Variants in ADH1A observed in about 807,000 individuals in gnomAD.
ADH1A encodes the protein alcohol dehydrogenase 1A.
A neutral mutation model predicts 35.2 loss-of-function variants in ADH1A; 29 were observed. The ratio of observed to expected loss-of-function variants is 0.82; its 90% CI spans 0.61 to 1.12. ADH1A has a LOEUF of 1.12. Ranked by LOEUF, ADH1A falls within the 50% of genes most tolerant of loss-of-function variation. The pLI is 0.00. For missense variants in ADH1A, 469 were observed against 464.7 expected, an observed-to-expected ratio of 1.01 and a Z score of -0.09; for synonymous variants, 147 against 164.8, an observed-to-expected ratio of 0.89 and a Z score of 0.83.
In ADH1A at chr4:99,287,547, G is replaced by A; in HGVS notation, c.120+17C>T. 6.3e-7 allele frequency: 1 copy of A among 1,594,268 alleles called. No individual in the cohort carries two copies. Among genetic ancestry groups the A allele is most frequent in the African/African-American group, 1.3e-5 (1 of 74,154 alleles). ...GAGTTTTTAAAACTTAAATACAAAT[G>A]GAAAAATGTATTTCACCTTAATACG... On this transcript the variant is annotated intron_variant, in intron 2 of 8. Transcript: ENST00000209668.
At chr4:99,280,008 T>C (rs1361685594) in intron 7 of ADH1A, 136 bp downstream of exon 7, 3 of 1,282,264 alleles carry the variant, frequency 2.3e-6, no homozygotes, top group Non-Finnish European at 3.4e-6. Context: ...CCATATCTAG[T>C]TGATTTGGAG....
chr4:99,284,478 G>A lies in ADH1A; in HGVS notation c.488C>T (p.Ala163Val), dbSNP rs1478308210. The A allele has an allele frequency of 1.2e-6, 2 of 1,614,220 alleles. No homozygotes were observed. Among genetic ancestry groups the A allele is most frequent in the East Asian group, 2.2e-5 (1 of 44,886 alleles). ...ACAGACTTTCTCTAGAGGCGAGGCTGCATCAATTTTGGCTACTGCATTTTC... is the reference window on the plus strand; with the variant it reads ...ACAGACTTTCTCTAGAGGCGAGGCTACATCAATTTTGGCTACTGCATTTTC... The part of the protein sequence containing the change: ...VDENAVAKID[A>V]ASPLEKVCLI... The change falls in exon 5 of 9, where the codon GCA (alanine) becomes GTA (valine). Residue 163 changes from alanine to valine, a missense_variant. Ala to Val is a moderately conservative substitution (Grantham distance 64). Coordinates refer to ENST00000209668, the MANE Select transcript of ADH1A (RefSeq NM_000667.4).
Position 99,286,933 on chromosome 4 carries a change from A to G in ADH1A, c.176T>C (p.Val59Ala), listed in dbSNP as rs1733166512. Residue 59 changes from valine (V) to alanine (A), a missense_variant, in exon 3 of 9, where the codon GTG becomes GCG. Physicochemically the swap from Val to Ala is moderately conservative, Grantham distance 64. Coordinates refer to ENST00000209668, the MANE Select transcript of ADH1A (RefSeq NM_000667.4). ...TDDHVVSGTM[V>A]TPLPVILGHE... Reference sequence around the variant, plus strand: ...GCCTAAAATCACAGGAAGTGGGGTCACCATGGTACCACTAACCACGTGGTC... The same window carrying G: ...GCCTAAAATCACAGGAAGTGGGGTCGCCATGGTACCACTAACCACGTGGTC... The G allele has an allele frequency of 6.2e-7, 1 of 1,614,092 alleles. No homozygotes were observed. The highest frequency in any genetic ancestry group is 1.7e-5 in the Admixed American group (1 of 60,000).
At chr4:99,287,698 T>A (rs1030543960) in intron 1 of ADH1A, 33 bp from the exon 2 acceptor site, 1 of 1,609,340 alleles carries the variant, frequency 6.2e-7, no homozygotes, top group Admixed American at 1.7e-5. Context: ...GGCACCAGTG[T>A]TCTCCCACGC....
intron 8 of ADH1A, 89 bp from the exon 9 acceptor site, chr4:99,276,737 ATCTG>A (rs1203556938): frequency 7.8e-7 from 1 of 1,281,186 alleles, no homozygotes; most frequent in Non-Finnish European, 1.1e-6. Flanking sequence ...CTTAGTGAAA[ATCTG>A]TCTGTTCTCA....
Position 99,282,597 on chromosome 4 carries a change from C to T in ADH1A, c.577G>A (p.Gly193Ser). Residue 193 changes from glycine to serine, a missense_variant, in exon 6 of 9, where the codon GGC becomes AGC. By Grantham distance (56) the Gly-to-Ser change is moderately conservative (BLOSUM62 0). Coordinates refer to ENST00000209668, the MANE Select transcript of ADH1A (RefSeq NM_000667.4). ...AGGCCAAACACAGCACAGGTAGAGC[C>T]TGGGGTGACCTGTGTTTTCAGAAAA... ...SAVNVAKVTP[G>S]STCAVFGLGG... 6.2e-7 allele frequency: 1 copy of T among 1,610,888 alleles called. No homozygotes were observed. The highest frequency in any genetic ancestry group is 1.3e-5 in the African/African-American group (1 of 74,804).
chr4:99,279,579 G>A lies in ADH1A; in HGVS notation c.965-15C>T. The A allele has an allele frequency of 1.9e-6, 3 of 1,603,894 alleles. No homozygotes were observed. The highest frequency in any genetic ancestry group is 2.5e-6 in the Non-Finnish European group (3 of 1,176,826). ...ACTTTTAAAGCCTGAAAAGAAGATG[G>A]TATCATTGTTAGATTCAACCAGGGT... On this transcript the variant is annotated splice_polypyrimidine_tract_variant and intron_variant, in intron 7 of 8. Coordinates refer to ENST00000209668, the MANE Select transcript of ADH1A (RefSeq NM_000667.4).
chr4:99,277,929 A>G (rs988837268), intron 8 of ADH1A, among the ~76,000 whole-genome samples: 4 of 152,030 alleles, frequency 2.6e-5, no homozygotes, highest in African/African-American at 9.7e-5. Flanking sequence ...GGAACAAAAG[A>G]TCCATTTTTT....
intron 8 of ADH1A, chr4:99,278,408 G>A (rs953857582): frequency 1.3e-5 from 2 of 152,046 alleles, no homozygotes; most frequent in Non-Finnish European, 2.9e-5. Flanking sequence ...TGATGATTTT[G>A]ACCAAGTCAT....
chr4:99,277,619 G>T (rs1209139447), intron 8 of ADH1A, among the ~76,000 whole-genome samples: 1 of 151,836 alleles, frequency 6.6e-6, no homozygotes, highest in Non-Finnish European at 1.5e-5. Flanking sequence ...TTCTTACTAG[G>T]CATATGTACA....
chr4:99,286,742 G>A lies in ADH1A; in HGVS notation c.259+108C>T, dbSNP rs923274633. ...GAAATCCCTGAAGTCCTGGCTGCGC[G>A]GTGACCTTGGTCAAGCCCTTTCGTC... On this transcript the variant is annotated intron_variant, in intron 3 of 8. Transcript: ENST00000209668. The A allele has an allele frequency of 9.8e-6, 15 of 1,530,872 alleles. No individual in the cohort carries two copies. The Admixed American group carries it at 1.2e-4, about 12-fold the overall frequency. 94.8% of individuals were successfully genotyped at this position (1,530,872 alleles called of 1,614,324 possible). A position where few individuals can be genotyped will look rare whatever the true frequency, so the allele number is the denominator to read the frequency against.
At chr4:99,287,973 T>C (rs1292772078) in intron 1 of ADH1A, among the ~76,000 whole-genome samples, 3 of 152,238 alleles carry the variant, frequency 2.0e-5, no homozygotes, top group Admixed American at 1.3e-4. Context: ...CCTAATGCTA[T>C]GCTGAAAATG....
At chr4:99,283,713 A>G (rs1371144840) in intron 5 of ADH1A, among the ~76,000 whole-genome samples, 2 of 152,222 alleles carry the variant, frequency 1.3e-5, no homozygotes, top group Non-Finnish European at 2.9e-5. Flanking sequence ...CCTCGGTTTC[A>G]TAAAATAAAG....
intron 3 of ADH1A, 179 bp downstream of exon 3, chr4:99,286,671 C>T: frequency 2.0e-6 from 2 of 1,017,536 alleles, no homozygotes; most frequent in Non-Finnish European, 1.4e-6. Flanking sequence ...TACATGCGTG[C>T]CTAAAGACAT....
At chr4:99,289,733 A>G (rs1045983489) in intron 1 of ADH1A, among the ~76,000 whole-genome samples, 2 of 152,140 alleles carry the variant, frequency 1.3e-5, no homozygotes, top group African/African-American at 4.8e-5. Context: ...GCAATTGTCT[A>G]TTTCATCAGT....
intron 8 of ADH1A, 86 bp downstream of exon 8, chr4:99,279,340 C>G: frequency 6.7e-7 from 1 of 1,481,744 alleles, no homozygotes; most frequent in South Asian, 1.5e-5. Context: ...TCTAATTTTT[C>G]TCATCCTTCC....
In ADH1A at chr4:99,287,495, T is replaced by C. The variant is rs564516134; in HGVS notation, c.120+69A>G. On this transcript the variant is annotated intron_variant, in intron 2 of 8. Coordinates refer to ENST00000209668, the MANE Select transcript of ADH1A (RefSeq NM_000667.4). Reference sequence around the variant, plus strand: ...TTTTCTGGATGATCATATAAAAATTTGGTTGTTTCCGTTTTTTAACTTTTC... The same window carrying C: ...TTTTCTGGATGATCATATAAAAATTCGGTTGTTTCCGTTTTTTAACTTTTC... 1,615 of 1,440,268 alleles carry C rather than the reference T, an allele frequency of 1.1e-3. 7 individuals carry two copies. Among genetic ancestry groups the C allele is most frequent in the Non-Finnish European group, 1.1e-3 (1,166 of 1,044,592 alleles). 89.2% of individuals were successfully genotyped at this position (1,440,268 alleles called of 1,614,324 possible). A position where few individuals can be genotyped will look rare whatever the true frequency, so the allele number is the denominator to read the frequency against.
chr4:99,280,391 A>G, intron 6 of ADH1A, 112 bp from the exon 7 acceptor site: 3 of 1,538,640 alleles, frequency 1.9e-6, no homozygotes, highest in African/African-American at 1.4e-5. Context: ...TAGAGGGAAG[A>G]GATTATGTCT....
At position 99,287,598 on chromosome 4, in the gene ADH1A, A is replaced by G. The variant is rs769686467; in HGVS notation, c.86T>C (p.Val29Ala). 19 of 1,613,668 alleles carry G rather than the reference A, an allele frequency of 1.2e-5. No individual in the cohort carries two copies. The highest frequency in any genetic ancestry group is 1.5e-5 in the Non-Finnish European group (18 of 1,179,852). ...AACTTCATGGGCCTTAGGAGGTGCA[A>G]CCTCCACCTCCTCAATGGAAAAGGG... The part of the protein sequence containing the change: ...KKPFSIEEVE[V>A]APPKAHEVRI... The change falls in exon 2 of 9, where the codon GTT becomes GCT. Residue 29 changes from valine (V) to alanine (A), a missense_variant. Physicochemically the swap from Val to Ala is moderately conservative, Grantham distance 64. Coordinates refer to ENST00000209668, the MANE Select transcript of ADH1A (RefSeq NM_000667.4).
Sources: allele counts gnomAD v4.1 joint callset (sites outside exome capture counted in the v4.1 genomes callset), GRCh38; gene constraint gnomAD v4.1.1; transcripts MANE v1.5; gene names NCBI Gene and HGNC (gene_info 2026-07-23, HGNC 2026-07-21).